DPP6: variants seen among roughly 807,000 people sequenced by gnomAD.
DPP6 encodes the protein A-type potassium channel modulatory protein DPP6.
A neutral mutation model predicts 122.6 loss-of-function variants in DPP6; 69 were observed. The observed-to-expected ratio is 0.56, with a 90% CI of 0.46 to 0.69. The LOEUF (loss-of-function observed/expected upper bound fraction) is 0.69. DPP6 is among the 30% of genes least tolerant of loss of function. The pLI, the probability that DPP6 is intolerant of heterozygous loss-of-function variation, is 0.00. For missense variants in DPP6, 928 were observed against 1,116.9 expected (o/e 0.83, Z 2.41); for synonymous variants, 418 against 433.1 (o/e 0.97, Z 0.43).
At chr7:154,079,233 G>A (rs1264142987) in intron 1 of DPP6, among the ~76,000 whole-genome samples, 3 of 152,066 alleles carry the variant, frequency 2.0e-5, no homozygotes, top group East Asian at 1.9e-4. Context: ...ACACAACTCC[G>A]TTTCCACTCC....
At chr7:154,226,001 C>T (rs1800578394) in intron 1 of DPP6, among the ~76,000 whole-genome samples, 1 of 152,122 alleles carries the variant, frequency 6.6e-6, no homozygotes, top group Non-Finnish European at 1.5e-5. Flanking sequence ...GAAGATGATC[C>T]AGCAGCAGCC....
At chr7:154,207,657 A>G (rs1273744282) in intron 1 of DPP6, among the ~76,000 whole-genome samples, 1 of 152,266 alleles carries the variant, frequency 6.6e-6, no homozygotes, top group Non-Finnish European at 1.5e-5. Flanking sequence ...ACTACAAAAC[A>G]AGTTTGACTG....
intron 21 of DPP6, chr7:154,884,458 C>A (rs1242284747): frequency 6.6e-6 from 1 of 151,112 alleles, no homozygotes; most frequent in African/African-American, 2.4e-5. Flanking sequence ...CTCACATACA[C>A]ACGAGTACAT....
the DPP6 span, among the ~76,000 whole-genome samples, chr7:153,846,450 G>T: frequency 2.0e-5 from 3 of 151,930 alleles, no homozygotes; most frequent in Non-Finnish European, 2.9e-5. Flanking sequence ...ATGGACAAAG[G>T]TTTTTTACAT....
intron 1 of DPP6, among the ~76,000 whole-genome samples, chr7:154,120,023 G>A (rs1373704314): frequency 6.6e-6 from 1 of 151,998 alleles, no homozygotes; most frequent in African/African-American, 2.4e-5. Context: ...TACTTCCATA[G>A]CACCTCACAT....
chr7:154,536,814 C>A (rs1281714576), intron 3 of DPP6, among the ~76,000 whole-genome samples: 1 of 152,158 alleles, frequency 6.6e-6, no homozygotes, highest in African/African-American at 2.4e-5. Flanking sequence ...TATTATTGAT[C>A]ACATCACATC....
chr7:154,527,579 TTAAAAC>T (rs1827505814), intron 3 of DPP6, among the ~76,000 whole-genome samples: 1 of 152,178 alleles, frequency 6.6e-6, no homozygotes, highest in African/African-American at 2.4e-5. Context: ...TGCTAGTTAT[TTAAAAC>T]TAAAAGAAGA....
chr7:154,003,991 G>T (rs546336886), intron 1 of DPP6, among the ~76,000 whole-genome samples: 2 of 152,318 alleles, frequency 1.3e-5, no homozygotes, highest in African/African-American at 4.8e-5. Context: ...GAACCATGAA[G>T]AATTGAGGCC....
At chr7:154,302,791 T>C (rs766137914) in intron 1 of DPP6, among the ~76,000 whole-genome samples, 25 of 152,162 alleles carry the variant, frequency 1.6e-4, no homozygotes, top group Non-Finnish European at 3.4e-4. Context: ...GTACCGCTCC[T>C]CAGTTTAGGG....
chr7:154,892,490 G>T lies in DPP6; in HGVS notation c.*10G>T. The T allele has an allele frequency of 5.6e-6, 9 of 1,613,538 alleles. No homozygotes were observed. Among genetic ancestry groups the T allele is most frequent in the Admixed American group, 3.3e-5 (2 of 60,010 alleles). On this transcript the variant is annotated 3_prime_UTR_variant, in exon 26 of 26. Coordinates refer to ENST00000377770, the MANE Select transcript of DPP6 (RefSeq NM_130797.4). ...CGAGGAGGAGGACTAAGCTCAGGTCGCTCTAAGCACAAACGTGGCTCTTTC... is the reference window on the plus strand; with the variant it reads ...CGAGGAGGAGGACTAAGCTCAGGTCTCTCTAAGCACAAACGTGGCTCTTTC...
rs539068287 is a variant in DPP6 at position 154,250,932 on chromosome 7, T to C, written c.244-195282T>C. 9.9e-5 allele frequency among the ~76,000 whole-genome samples: 15 copies of C among 152,262 alleles called. No individual in the cohort carries two copies. The South Asian group carries it at 2.7e-3, about 27-fold the overall frequency. On this transcript the variant is annotated intron_variant, in intron 1 of 25. Transcript: ENST00000377770. ...GAGTATTGAGAAGCAATGTGGGCAG[T>C]GCTGAGATTCAAAAGGGGCGTCCCT... is the stretch of plus-strand genomic sequence containing the variant.
chr7:154,497,967 G>A (rs1289303169), intron 3 of DPP6, among the ~76,000 whole-genome samples: 1 of 152,114 alleles, frequency 6.6e-6, no homozygotes, highest in Non-Finnish European at 1.5e-5. Flanking sequence ...GGATGATGGG[G>A]GAGGACGCGT....
chr7:154,454,347 C>T (rs903488517), intron 2 of DPP6, among the ~76,000 whole-genome samples: 1 of 152,194 alleles, frequency 6.6e-6, no homozygotes, highest in Non-Finnish European at 1.5e-5. Context: ...GTTAATGTTT[C>T]TGCCCAAAGT....
intron 1 of DPP6, among the ~76,000 whole-genome samples, chr7:154,036,871 G>T (rs1473132860): frequency 6.6e-6 from 1 of 152,190 alleles, no homozygotes; most frequent in Non-Finnish European, 1.5e-5. Context: ...CCATGTCCCA[G>T]TGGGGAAGGT....
chr7:154,105,055 A>G (rs1806052604), intron 1 of DPP6, among the ~76,000 whole-genome samples: 1 of 152,208 alleles, frequency 6.6e-6, no homozygotes, highest in Admixed American at 6.5e-5. Flanking sequence ...TAAGCTCAGG[A>G]GGTCAAGGCT....
chr7:154,618,567 T>C lies in DPP6; in HGVS notation c.628-19254T>C, dbSNP rs1428917652. On this transcript the variant is annotated intron_variant, in intron 5 of 25. Transcript: ENST00000377770. The surrounding 1 kb of genome is among the most constrained non-coding windows in gnomAD (Gnocchi z 4.1). ...TTAATATAGCCCTGCATTTTCCTCATATGAAAGCAGAAACCCACAGAGTTT... is the reference window on the plus strand; with the variant it reads ...TTAATATAGCCCTGCATTTTCCTCACATGAAAGCAGAAACCCACAGAGTTT... Among the ~76,000 whole-genome samples the C allele has an allele frequency of 6.6e-6, 1 of 151,784 alleles. No individual in the cohort carries two copies. The highest frequency in any genetic ancestry group is 1.5e-5 in the Non-Finnish European group (1 of 68,028).
intron 1 of DPP6, among the ~76,000 whole-genome samples, chr7:154,003,286 T>C (rs1797767129): frequency 1.3e-5 from 2 of 152,132 alleles, no homozygotes; most frequent in Admixed American, 1.3e-4. Flanking sequence ...AGTTTATGAA[T>C]CTTCACTAAT....
At chr7:153,874,569 T>C in the DPP6 span, among the ~76,000 whole-genome samples, 1 of 152,072 alleles carries the variant, frequency 6.6e-6, no homozygotes, top group Admixed American at 6.5e-5. Context: ...AAAGACAGCA[T>C]TTCACTGCGT....
At chr7:153,879,686 G>C in the DPP6 span, among the ~76,000 whole-genome samples, 1 of 152,166 alleles carries the variant, frequency 6.6e-6, no homozygotes, top group Non-Finnish European at 1.5e-5. Flanking sequence ...ACTGTGCCTG[G>C]TCCAAAATAT....
Sources: gnomAD v4.1 joint callset for allele counts (sites outside exome capture counted in the v4.1 genomes callset) on GRCh38, gnomAD v4.1.1 for gene constraint, Gnocchi (gnomAD v3.1) non-coding constraint, MANE v1.5 for transcripts, NCBI Gene and HGNC (gene_info 2026-07-23, HGNC 2026-07-21) for gene names.